GRM7: variants seen among roughly 807,000 people sequenced by gnomAD.
GRM7 encodes the protein glutamate metabotropic receptor 7, also known as metabotropic glutamate receptor 7.
In GRM7, 35 loss-of-function variants were observed where a neutral mutation model predicts 84.5. The ratio of observed to expected loss-of-function variants is 0.41; its 90% CI spans 0.32 to 0.55. The LOEUF is 0.55. Among genes scored for constraint, GRM7 ranks in the 20% least tolerant of loss-of-function variants. GRM7 has a pLI of 0.19. For synonymous variants in GRM7, 487 were observed against 455.1 expected (o/e 1.07, Z -0.89); for missense variants, 1,003 against 1,194.6 (o/e 0.84, Z 2.36).
intron 8 of GRM7, among the ~76,000 whole-genome samples, chr3:7,644,214 A>G (rs28652620): frequency 0.33 from 33,524 of 102,328 alleles, 5,854 homozygotes; most frequent in Non-Finnish European, 0.37. Context: ...ATGTCTGTAC[A>G]TATATATGTG....
At chr3:7,480,215 C>T (rs1429788511) in intron 7 of GRM7, among the ~76,000 whole-genome samples, 1 of 152,188 alleles carries the variant, frequency 6.6e-6, no homozygotes. Flanking sequence ...TAAGCATGCA[C>T]AACTCCGCTA....
intron 1 of GRM7, among the ~76,000 whole-genome samples, chr3:6,900,375 A>C (rs1696339441): frequency 6.6e-6 from 1 of 152,218 alleles, no homozygotes; most frequent in South Asian, 2.1e-4. Context: ...TAAATAATCC[A>C]ACCATCTGGC....
intron 4 of GRM7, among the ~76,000 whole-genome samples, chr3:7,350,415 A>G (rs1163258394): frequency 6.6e-6 from 1 of 151,998 alleles, no homozygotes; most frequent in Admixed American, 6.6e-5. Context: ...GTTTAATAAT[A>G]CGTGGTACCT....
chr3:7,288,546 C>T (rs533934733), intron 2 of GRM7, among the ~76,000 whole-genome samples: 5 of 152,056 alleles, frequency 3.3e-5, no homozygotes, highest in African/African-American at 4.8e-5. Context: ...TCTTCTCATC[C>T]GTAAAGTGGA....
At position 6,861,297 on chromosome 3, in the gene GRM7, C is replaced by T; in HGVS notation, c.-92C>T. On this transcript the variant is annotated 5_prime_UTR_variant, in exon 1 of 10. Coordinates refer to ENST00000357716, the MANE Select transcript of GRM7 (RefSeq NM_000844.4). This position sits in a 1 kb window ranked among gnomAD's most constrained non-coding sequence, Gnocchi z 6.4. ...TGCCTGCAGGAGCCCCTGGGCTTTC[C>T]CGGAGGAGCTCGCCCTGAAGGGCCC... 8.4e-6 allele frequency: 10 copies of T among 1,195,148 alleles called. No homozygotes were observed. The highest frequency in any genetic ancestry group is 3.7e-5 in the Admixed American group (1 of 27,320). 74.0% of individuals were successfully genotyped at this position (1,195,148 alleles called of 1,614,324 possible).
chr3:7,128,299 A>G (rs1693468917), intron 1 of GRM7, among the ~76,000 whole-genome samples: 1 of 151,776 alleles, frequency 6.6e-6, no homozygotes, highest in Non-Finnish European at 1.5e-5. Context: ...TATTCTTCCT[A>G]TTCATTTTCT....
At chr3:7,346,401 A>G (rs550717926) in intron 4 of GRM7, among the ~76,000 whole-genome samples, 28 of 152,298 alleles carry the variant, frequency 1.8e-4, no homozygotes, top group African/African-American at 6.0e-4. Flanking sequence ...AGCTGATGGC[A>G]TGAATTTCTT....
chr3:7,016,476 A>G (rs1695569411), intron 1 of GRM7, among the ~76,000 whole-genome samples: 2 of 152,240 alleles, frequency 1.3e-5, no homozygotes, highest in South Asian at 2.1e-4. Context: ...ATCATGATGG[A>G]TGAGGGGTCT....
chr3:7,289,861 G>T (rs1280541186), intron 2 of GRM7, among the ~76,000 whole-genome samples: 1 of 127,662 alleles, frequency 7.8e-6, no homozygotes, highest in Non-Finnish European at 1.6e-5. Context: ...CCTGTTGTGG[G>T]GTGGGGGGAG....
At chr3:7,421,175 A>G (rs995468589) in intron 5 of GRM7, among the ~76,000 whole-genome samples, 1 of 152,178 alleles carries the variant, frequency 6.6e-6, no homozygotes, top group Non-Finnish European at 1.5e-5. Flanking sequence ...TTTAAAAATC[A>G]ATAAATTTTG....
intron 4 of GRM7, among the ~76,000 whole-genome samples, chr3:7,335,409 T>C (rs7648339): frequency 0.34 from 51,631 of 151,796 alleles, 8,996 homozygotes; most frequent in South Asian, 0.43. Context: ...ACAGCAAAAG[T>C]GGTGATAATA....
chr3:7,350,544 AT>A (rs1459212883), intron 4 of GRM7, among the ~76,000 whole-genome samples: 10 of 152,108 alleles, frequency 6.6e-5, no homozygotes, highest in Admixed American at 6.6e-4. Context: ...TGCTTCCTGT[AT>A]AGCCTGCAAA....
chr3:7,597,763 T>G (rs1276724819), intron 8 of GRM7, among the ~76,000 whole-genome samples: 1 of 152,124 alleles, frequency 6.6e-6, no homozygotes, highest in Non-Finnish European at 1.5e-5. Context: ...AATTAGAAGT[T>G]AGAATTACAA....
At position 7,191,480 on chromosome 3, in the gene GRM7, T is replaced by C. The variant is rs184890436; in HGVS notation, c.736+44812T>C. ...TTCTATGCACATATTTATTGCAGTG[T>C]TTTTTATAATAGTAAAAACTGGAAA... On this transcript the variant is annotated intron_variant, in intron 2 of 9. Coordinates refer to ENST00000357716, the MANE Select transcript of GRM7 (RefSeq NM_000844.4). Among the ~76,000 whole-genome samples the C allele has an allele frequency of 4.5e-4, 68 of 152,146 alleles. 1 individual carries two copies. In the East Asian group the frequency reaches 0.012, roughly 26 times the overall value.
intron 2 of GRM7, among the ~76,000 whole-genome samples, chr3:7,205,664 A>G (rs1262251851): frequency 6.6e-6 from 1 of 152,226 alleles, no homozygotes; most frequent in Non-Finnish European, 1.5e-5. Flanking sequence ...TGTTCAGTAC[A>G]GTGTCTGGGT....
intron 1 of GRM7, among the ~76,000 whole-genome samples, chr3:6,949,621 A>G (rs1692634469): frequency 6.6e-6 from 1 of 151,734 alleles, no homozygotes; most frequent in Admixed American, 6.6e-5. Flanking sequence ...AGATTGGGGA[A>G]GTTCTCCTGG....
intron 7 of GRM7, among the ~76,000 whole-genome samples, chr3:7,545,340 A>T (rs1693094177): frequency 1.3e-5 from 2 of 152,242 alleles, no homozygotes; most frequent in South Asian, 4.1e-4. Context: ...GAATAAATGA[A>T]AGGAAGAATT....
At chr3:7,630,346 CA>C (rs2125095712) in intron 8 of GRM7, among the ~76,000 whole-genome samples, 1 of 152,210 alleles carries the variant, frequency 6.6e-6, no homozygotes, top group Non-Finnish European at 1.5e-5. Context: ...AGAATCATCC[CA>C]GCTGTCACAG....
chr3:7,632,924 G>A lies in GRM7; in HGVS notation c.2452-47125G>A, dbSNP rs529531014. Among the ~76,000 whole-genome samples the A allele has an allele frequency of 2.0e-4, 30 of 152,258 alleles. 1 individual carries two copies. Among genetic ancestry groups the A allele is most frequent in the Admixed American group, 9.1e-4 (14 of 15,302 alleles). On this transcript the variant is annotated intron_variant, in intron 8 of 9. Transcript: ENST00000357716. ...ATGGAATAATTTTACTTAATATAAC[G>A]TATAGTGTTGATAGCCAGTTTTAAA...
Sources: allele counts gnomAD v4.1 joint callset (sites outside exome capture counted in the v4.1 genomes callset), GRCh38; gene constraint gnomAD v4.1.1; non-coding constraint Gnocchi (gnomAD v3.1); transcripts MANE v1.5; gene names NCBI Gene and HGNC (gene_info 2026-07-23, HGNC 2026-07-21).